Variants in ITGA6 observed in about 807,000 individuals in gnomAD.
ITGA6 encodes integrin subunit alpha 6, also known as integrin alpha-6.
Under a neutral mutation model 133.6 loss-of-function variants are expected in ITGA6, and 63 were observed. That is an observed-to-expected ratio of 0.47 (90% CI 0.38 to 0.58). ITGA6 has a LOEUF of 0.58. Among genes scored for constraint, ITGA6 ranks in the 20% least tolerant of loss-of-function variants. The pLI is 0.00. For synonymous variants in ITGA6, 434 were observed against 482.0 expected, an observed-to-expected ratio of 0.90 and a Z score of 1.30; for missense variants, 1,068 against 1,309.4, an observed-to-expected ratio of 0.82 and a Z score of 2.85.
At chr2:172,457,295 C>CAAAAAAAAAAAAAAAAAA (rs71403305) in intron 1 of ITGA6, among the ~76,000 whole-genome samples, 2 of 79,352 alleles carry the variant, frequency 2.5e-5, no homozygotes, top group African/African-American at 9.8e-5. Context: ...ATTCTGTCTC[C>CAAAAAAAAAAAAAAAAAA]AAAAAAAAAA....
At chr2:172,477,262 G>A (rs1686218325) in intron 9 of ITGA6, among the ~76,000 whole-genome samples, 1 of 152,106 alleles carries the variant, frequency 6.6e-6, no homozygotes, top group Non-Finnish European at 1.5e-5. Flanking sequence ...TCCCAAAATG[G>A]TGCGACATTT....
chr2:172,497,502 C>CAAA (rs34616494), intron 23 of ITGA6, among the ~76,000 whole-genome samples: 17,930 of 89,026 alleles, frequency 0.2, 1,878 homozygotes, highest in African/African-American at 0.34. Context: ...ACCCTGTCTC[C>CAAA]AAAAAAAAAA....
At chr2:172,444,624 A>C (rs114351915) in intron 1 of ITGA6, among the ~76,000 whole-genome samples, 4,824 of 129,416 alleles carry the variant, frequency 0.037, 228 homozygotes, top group African/African-American at 0.11. Flanking sequence ...CAAAAACCCA[A>C]AACACTTGTA....
chr2:172,433,990 G>A (rs1415617171), intron 1 of ITGA6, among the ~76,000 whole-genome samples: 1 of 152,108 alleles, frequency 6.6e-6, no homozygotes, highest in African/African-American at 2.4e-5. Context: ...CACCTGTCTG[G>A]TTTCCAGGCC....
intron 1 of ITGA6, among the ~76,000 whole-genome samples, chr2:172,458,245 T>C (rs886143847): frequency 4.4e-5 from 6 of 136,570 alleles, no homozygotes; most frequent in African/African-American, 1.5e-4. Flanking sequence ...AATAATGAAT[T>C]CTTTTTTTTT....
intron 11 of ITGA6, among the ~76,000 whole-genome samples, chr2:172,482,572 T>C (rs1412577365): frequency 1.3e-5 from 2 of 152,076 alleles, no homozygotes; most frequent in Non-Finnish European, 2.9e-5. Context: ...TAGAGTGAAT[T>C]TGGCAGATAA....
At chr2:172,502,956 CTTT>C (rs1180721672) in intron 25 of ITGA6, among the ~76,000 whole-genome samples, 1 of 141,668 alleles carries the variant, frequency 7.1e-6, no homozygotes, top group East Asian at 2.0e-4. Context: ...GGTACTTTGG[CTTT>C]TTTTTCTTTT....
At chr2:172,484,453 CTTATCG>C (rs1686579801) in intron 11 of ITGA6, among the ~76,000 whole-genome samples, 1 of 152,188 alleles carries the variant, frequency 6.6e-6, no homozygotes, top group South Asian at 2.1e-4. Context: ...GGTTCCTCTG[CTTATCG>C]TTAGTATTCT....
At chr2:172,438,677 AC>A (rs1240045497) in intron 1 of ITGA6, among the ~76,000 whole-genome samples, 2 of 151,932 alleles carry the variant, frequency 1.3e-5, no homozygotes, top group African/African-American at 4.8e-5. Flanking sequence ...TATCCAATCA[AC>A]ATCAGCCTTT....
chr2:172,463,220 A>G (rs1315080397), intron 1 of ITGA6, among the ~76,000 whole-genome samples: 4 of 152,214 alleles, frequency 2.6e-5, no homozygotes, highest in Non-Finnish European at 5.9e-5. Flanking sequence ...TAAACAGGAA[A>G]TAAGCCCTGT....
At chr2:172,498,179 C>T (rs998946974) in intron 24 of ITGA6, 79 bp downstream of exon 24, 30 of 1,393,724 alleles carry the variant, frequency 2.2e-5, no homozygotes, top group South Asian at 9.4e-5. Flanking sequence ...ACTGATAGTA[C>T]GTTTTCTTTT....
rs193301957 is a variant in ITGA6, at chr2:172,447,052, C to T, written c.183-18487C>T. On this transcript the variant is annotated intron_variant, in intron 1 of 25. Coordinates refer to ENST00000684293, the MANE Select transcript of ITGA6 (RefSeq NM_000210.4). ...AGCTGGGATTACAGGTGTGCACCAC[C>T]GTGCCCGGCTAATTTTTGTATTTTT... Among the ~76,000 whole-genome samples, 208 of 152,068 alleles carry T rather than the reference C, an allele frequency of 1.4e-3. 1 individual carries two copies. The highest frequency in any genetic ancestry group is 4.4e-3 in the African/African-American group (184 of 41,462).
At chr2:172,429,502 T>C (rs923934433) in intron 1 of ITGA6, among the ~76,000 whole-genome samples, 2 of 152,152 alleles carry the variant, frequency 1.3e-5, no homozygotes, top group African/African-American at 4.8e-5. Context: ...GTGGCTTCCT[T>C]GAAATACTTG....
At position 172,487,336 on chromosome 2, in the gene ITGA6, CCCTT is replaced by C; in HGVS notation, c.2046_2049del (p.Ser683ThrfsTer17). ...CTTTAGAAATAACAGTGACAAACAG[CCCTT>C]CCAACCCAAGGAATCCCACAAAAGA... On this transcript the variant is annotated frameshift_variant, in exon 15 of 26. Coordinates refer to ENST00000684293, the MANE Select transcript of ITGA6 (RefSeq NM_000210.4). LOFTEE classifies it high-confidence loss of function. 6.2e-7 allele frequency: 1 copy of C among 1,613,986 alleles called. No homozygotes were observed. The highest frequency in any genetic ancestry group is 8.5e-7 in the Non-Finnish European group (1 of 1,179,838).
intron 20 of ITGA6, among the ~76,000 whole-genome samples, chr2:172,490,256 T>C (rs1013518539): frequency 6.6e-6 from 1 of 152,202 alleles, no homozygotes; most frequent in Non-Finnish European, 1.5e-5. Flanking sequence ...TCTCAGTCAC[T>C]CAGGCGTTAA....
Position 172,469,171 on chromosome 2 carries a change from AG to A in ITGA6, c.436del (p.Glu146AsnfsTer12). The A allele has an allele frequency of 6.2e-7, 1 of 1,614,194 alleles. No individual in the cohort carries two copies. Among genetic ancestry groups the A allele is most frequent in the Non-Finnish European group, 8.5e-7 (1 of 1,180,008 alleles). On this transcript the variant is annotated frameshift_variant, in exon 4 of 26. Coordinates refer to ENST00000684293, the MANE Select transcript of ITGA6 (RefSeq NM_000210.4). LOFTEE classifies it high-confidence loss of function. ...AAAAGGCAGCATGTTAATACGAAGC[AG>A]GAATCCCGAGACATCTTTGGGCGGT... ...YEKRQHVNTKQESRDIFGRCY... is the reference protein window; with the variant it reads ...YEKRQHVNTKXESRDIFGRCY...
At chr2:172,466,395 G>A (rs1476488240) in intron 2 of ITGA6, among the ~76,000 whole-genome samples, 1 of 152,174 alleles carries the variant, frequency 6.6e-6, no homozygotes. Context: ...CGAGTTGGGT[G>A]GATCATTTGA....
chr2:172,463,580 A>T (rs1281690269), intron 1 of ITGA6, among the ~76,000 whole-genome samples: 1 of 152,124 alleles, frequency 6.6e-6, no homozygotes, highest in East Asian at 1.9e-4. Context: ...TGGAGACAAC[A>T]TTGCACCAAG....
rs761327168 is a variant in ITGA6 at position 172,472,733 on chromosome 2, T to G, written c.776-1322T>G. 3 of 1,295,930 alleles carry G rather than the reference T, an allele frequency of 2.3e-6. No individual in the cohort carries two copies. The Admixed American group carries it at 5.0e-5, about 22-fold the overall frequency. 80.3% of individuals were successfully genotyped at this position (1,295,930 alleles called of 1,614,324 possible). ...TGTCCTGCCTCTTACCAAGCATAAT[T>G]ACTTTTTCTTCAATTTCTTCCGTCC... On this transcript the variant is annotated intron_variant, in intron 5 of 25. Transcript: ENST00000684293.
Sources: allele counts gnomAD v4.1 joint callset (sites outside exome capture counted in the v4.1 genomes callset), GRCh38; gene constraint gnomAD v4.1.1; transcripts MANE v1.5; gene names NCBI Gene and HGNC (gene_info 2026-07-23, HGNC 2026-07-21).